SH3GLB1: variants seen among roughly 807,000 people sequenced by gnomAD.
SH3GLB1 encodes SH3 domain containing GRB2 like, endophilin B1, also known as endophilin-B1.
A neutral mutation model predicts 42.0 loss-of-function variants in SH3GLB1; 17 were observed. That is an observed-to-expected ratio of 0.40 (90% confidence interval 0.28 to 0.61). The LOEUF is 0.61. Among genes scored for constraint, SH3GLB1 ranks in the 20% least tolerant of loss-of-function variants. SH3GLB1 has a pLI of 0.36. For synonymous variants in SH3GLB1, 132 were observed against 146.6 expected (o/e 0.90, Z 0.72); for missense variants, 355 against 426.3 (o/e 0.83, Z 1.47).
intron 3 of SH3GLB1, 24 bp downstream of exon 3, chr1:86,719,659 A>G (rs1157666959): frequency 1.3e-6 from 2 of 1,599,702 alleles, no homozygotes; most frequent in East Asian, 2.3e-5. Flanking sequence ...AAAAAGTTCT[A>G]ATAAGGGATA....
intron 5 of SH3GLB1, among the ~76,000 whole-genome samples, chr1:86,733,032 A>T (rs978636798): frequency 6.6e-6 from 1 of 152,120 alleles, no homozygotes; most frequent in Non-Finnish European, 1.5e-5. Context: ...TTAATAGTGC[A>T]TATGTAATAT....
rs747509081 is a variant in SH3GLB1, at chr1:86,735,190, A to G, written c.761+11A>G. The G allele has an allele frequency of 1.1e-5, 17 of 1,569,312 alleles. No homozygotes were observed. Among genetic ancestry groups the G allele is most frequent in the Non-Finnish European group, 1.8e-6 (2 of 1,140,136 alleles). ...GAAACAACTGGGAAGGTGATAATTTACTTTTCACATGTAAAGAGGAGAAAT... is the reference window on the plus strand; with the variant it reads ...GAAACAACTGGGAAGGTGATAATTTGCTTTTCACATGTAAAGAGGAGAAAT... On this transcript the variant is annotated intron_variant, in intron 7 of 8. Transcript: ENST00000370558.
chr1:86,705,762 C>T lies in SH3GLB1; in HGVS notation c.72+791C>T, dbSNP rs1446592391. ...AACTTGGGCCGTTTCCCACAGTCAT[C>T]ACCCATGTTATGCCAACTCAGTAAA... is the stretch of plus-strand genomic sequence containing the variant. On this transcript the variant is annotated intron_variant, in intron 1 of 8. Transcript: ENST00000370558. Among the ~76,000 whole-genome samples, 5 of 152,216 alleles carry T rather than the reference C, an allele frequency of 3.3e-5. No individual in the cohort carries two copies. In the East Asian group the frequency reaches 9.6e-4, roughly 29 times the overall value.
intron 1 of SH3GLB1, among the ~76,000 whole-genome samples, chr1:86,712,764 TA>T (rs370562019): frequency 0.017 from 2,536 of 146,296 alleles, 54 homozygotes; most frequent in African/African-American, 0.052. Context: ...CTAAAATAGT[TA>T]AAAAAAAAAA....
At chr1:86,722,698 T>C in intron 4 of SH3GLB1, 25 bp downstream of exon 4, 1 of 1,563,286 alleles carries the variant, frequency 6.4e-7, no homozygotes, top group South Asian at 1.2e-5. Context: ...GTCCCCTTTA[T>C]TTAGTAAAAT....
intron 1 of SH3GLB1, among the ~76,000 whole-genome samples, chr1:86,706,450 T>C (rs1013867822): frequency 7.2e-5 from 11 of 152,220 alleles, no homozygotes; most frequent in Admixed American, 2.6e-4. Context: ...TTAACCCTTT[T>C]CTTCCCTTCC....
intron 2 of SH3GLB1, 57 bp downstream of exon 2, chr1:86,715,922 A>G: frequency 8.3e-7 from 1 of 1,198,258 alleles, no homozygotes; most frequent in Non-Finnish European, 1.1e-6. Flanking sequence ...TTTAAATGTT[A>G]AAAAAAAAAG....
In SH3GLB1 at chr1:86,735,048, G is replaced by T. The variant is rs752477184; in HGVS notation, c.661-31G>T. The stretch of plus-strand genomic sequence containing the variant: ...ATTTGCCATTTAAGTTGACTATACA[G>T]CTAAGAACTAACTATAATTTTCCTT... On this transcript the variant is annotated intron_variant, in intron 6 of 8. Transcript: ENST00000370558. 2.1e-5 allele frequency: 33 copies of T among 1,547,404 alleles called. No individual in the cohort carries two copies. The South Asian group carries it at 3.6e-4, about 17-fold the overall frequency.
intron 1 of SH3GLB1, among the ~76,000 whole-genome samples, chr1:86,713,271 G>A (rs1288963676): frequency 6.6e-6 from 1 of 151,962 alleles, no homozygotes; most frequent in African/African-American, 2.4e-5. Context: ...TTGTAGAGAC[G>A]TGGTTTCGCC....
intron 3 of SH3GLB1, 133 bp downstream of exon 3, chr1:86,719,768 G>A: frequency 1.4e-6 from 1 of 735,396 alleles, no homozygotes; most frequent in Non-Finnish European, 2.1e-6. Flanking sequence ...GGTTGAGGTG[G>A]GCGGATCATG....
rs957575832 is a variant in SH3GLB1 at position 86,733,487 on chromosome 1, A to G, written c.571-1115A>G. On this transcript the variant is annotated intron_variant, in intron 5 of 8. Transcript: ENST00000370558. ...CTTGGAAATGTCATGAATCATTTGC[A>G]TAGGTGGAAAATGCTATTTGTGCTG... 2.0e-5 allele frequency among the ~76,000 whole-genome samples: 3 copies of G among 152,090 alleles called. No individual in the cohort carries two copies. In the South Asian group the frequency reaches 6.2e-4, roughly 32 times the overall value.
chr1:86,723,171 A>C (rs1039838068), intron 4 of SH3GLB1, among the ~76,000 whole-genome samples: 3 of 152,222 alleles, frequency 2.0e-5, no homozygotes, highest in Non-Finnish European at 4.4e-5. Context: ...TGTATAAACA[A>C]ATATTTGGCC....
intron 7 of SH3GLB1, among the ~76,000 whole-genome samples, chr1:86,736,600 T>C (rs1342320136): frequency 6.6e-6 from 1 of 152,210 alleles, no homozygotes; most frequent in East Asian, 1.9e-4. Flanking sequence ...ACTCTGGAAG[T>C]GCGGCATAGG....
At chr1:86,732,782 A>C (rs1200436870) in intron 5 of SH3GLB1, among the ~76,000 whole-genome samples, 2 of 151,988 alleles carry the variant, frequency 1.3e-5, no homozygotes, top group Non-Finnish European at 2.9e-5. Flanking sequence ...CTTCAGTCTC[A>C]ATCTTCCCGG....
At chr1:86,720,166 T>C (rs1248275257) in intron 3 of SH3GLB1, among the ~76,000 whole-genome samples, 1 of 152,154 alleles carries the variant, frequency 6.6e-6, no homozygotes, top group African/African-American at 2.4e-5. Flanking sequence ...CTTTTTTAGT[T>C]CTAAAAAGTT....
intron 6 of SH3GLB1, 152 bp from the exon 7 acceptor site, chr1:86,734,927 C>T: frequency 1.5e-6 from 1 of 657,434 alleles, no homozygotes; most frequent in Non-Finnish European, 2.7e-6. Context: ...TGCTAGTGTA[C>T]TATTCACGAA....
rs193068181 is a variant in SH3GLB1 at position 86,744,143 on chromosome 1, A to G, written c.*908A>G. ...TAAATTGGGTCACTCTGAGCTTACT[A>G]TTAAAACATTGAAAATTTATTAATG... On this transcript the variant is annotated 3_prime_UTR_variant, in exon 9 of 9. Coordinates refer to ENST00000370558, the MANE Select transcript of SH3GLB1 (RefSeq NM_016009.5). 14 of 152,340 alleles carry G rather than the reference A, an allele frequency of 9.2e-5. No individual in the cohort carries two copies. Among genetic ancestry groups the G allele is most frequent in the East Asian group, 5.8e-4 (3 of 5,188 alleles). The allele number at this position is 152,340 out of a possible 1,614,324, so 9.4% of individuals were successfully genotyped here. A position where few individuals can be genotyped will look rare whatever the true frequency, so the allele number is the denominator to read the frequency against.
intron 1 of SH3GLB1, among the ~76,000 whole-genome samples, chr1:86,705,628 G>A (rs1208951389): frequency 6.6e-6 from 1 of 152,126 alleles, no homozygotes; most frequent in Non-Finnish European, 1.5e-5. Flanking sequence ...GGAGAGATGC[G>A]GGGATATTGT....
chr1:86,712,000 T>C (rs1383395687), intron 1 of SH3GLB1, among the ~76,000 whole-genome samples: 1 of 152,162 alleles, frequency 6.6e-6, no homozygotes, highest in Non-Finnish European at 1.5e-5. Context: ...GTATTAAATA[T>C]TGTATTTGTT....
Sources: gnomAD v4.1 joint callset for allele counts (sites outside exome capture counted in the v4.1 genomes callset) on GRCh38, gnomAD v4.1.1 for gene constraint, MANE v1.5 for transcripts, NCBI Gene and HGNC (gene_info 2026-07-23, HGNC 2026-07-21) for gene names.